The following SNTG1 variants were observed in gnomAD, a reference collection of about 807,000 sequenced individuals.
SNTG1 encodes the protein gamma-1-syntrophin.
A neutral mutation model predicts 74.7 loss-of-function variants in SNTG1; 39 were observed. That is an observed-to-expected ratio of 0.52 (90% CI 0.40 to 0.68). SNTG1 has a LOEUF of 0.68. SNTG1 is among the 30% of genes least tolerant of loss of function. SNTG1 has a pLI of 0.00. For missense variants in SNTG1, 685 were observed against 609.5 expected (o/e 1.12, Z -1.30); for synonymous variants, 254 against 217.1 (o/e 1.17, Z -1.49).
In SNTG1 at chr8:50,431,953, A is replaced by C. The variant is rs755542690; in HGVS notation, c.163-6590A>C. Among the ~76,000 whole-genome samples the C allele has an allele frequency of 6.6e-5, 10 of 152,286 alleles. No individual in the cohort carries two copies. In the East Asian group the frequency reaches 1.4e-3, roughly 21 times the overall value. The stretch of plus-strand genomic sequence containing the variant: ...CTTCTATCAGATATGTGATTTACAA[A>C]TATTTTCCTCTAGTCCATAGCTTGT... On this transcript the variant is annotated intron_variant, in intron 4 of 18. Transcript: ENST00000642720.
At chr8:50,317,354 A>C (rs1207416711) in intron 2 of SNTG1, among the ~76,000 whole-genome samples, 1 of 152,178 alleles carries the variant, frequency 6.6e-6, no homozygotes, top group Non-Finnish European at 1.5e-5. Flanking sequence ...TTTCACTCCC[A>C]AAAGTTTCTT....
At position 50,250,975 on chromosome 8, in the gene SNTG1, G is replaced by A. The variant is rs2086621373; in HGVS notation, c.-28+78340G>A. ...TGCTATGAAATTCTTCAATATTACA[G>A]TATGTAGGTTTAAAGTCAAAAAGGT... is the stretch of plus-strand genomic sequence containing the variant. On this transcript the variant is annotated intron_variant, in intron 2 of 18. Transcript: ENST00000642720. Among the ~76,000 whole-genome samples the A allele has an allele frequency of 2.3e-5, 3 of 132,206 alleles. No individual in the cohort carries two copies. The South Asian group carries it at 8.6e-4, about 38-fold the overall frequency. 86.7% of individuals were successfully genotyped at this position (132,206 alleles called of 152,430 possible).
At chr8:49,999,323 A>T (rs1354897114) in intron 1 of SNTG1, among the ~76,000 whole-genome samples, 1 of 152,044 alleles carries the variant, frequency 6.6e-6, no homozygotes, top group East Asian at 1.9e-4. Context: ...GTAGCAGCTC[A>T]TTGTCTCACT....
intron 18 of SNTG1, among the ~76,000 whole-genome samples, chr8:50,784,997 A>T (rs2095670593): frequency 6.6e-6 from 1 of 152,138 alleles, no homozygotes; most frequent in Non-Finnish European, 1.5e-5. Flanking sequence ...AATTATTGGG[A>T]GATAAATAAC....
At chr8:50,546,048 A>G (rs1224845859) in intron 11 of SNTG1, among the ~76,000 whole-genome samples, 1 of 152,134 alleles carries the variant, frequency 6.6e-6, no homozygotes, top group Admixed American at 6.6e-5. Context: ...AGCAGAAAAA[A>G]GTAGGTAGGA....
chr8:50,302,734 A>G (rs542159135), intron 2 of SNTG1, among the ~76,000 whole-genome samples: 12 of 150,924 alleles, frequency 8.0e-5, no homozygotes, highest in East Asian at 1.9e-4. Context: ...GCCTTTCAGC[A>G]TGTTATAACA....
chr8:49,952,385 C>T (rs1217668807), intron 1 of SNTG1, among the ~76,000 whole-genome samples: 5 of 151,958 alleles, frequency 3.3e-5, no homozygotes, highest in African/African-American at 1.2e-4. Flanking sequence ...GAGGCATAAA[C>T]CATGGTGAGA....
intron 1 of SNTG1, among the ~76,000 whole-genome samples, chr8:49,958,794 C>T (rs1349286135): frequency 6.6e-6 from 1 of 152,168 alleles, no homozygotes; most frequent in Non-Finnish European, 1.5e-5. Flanking sequence ...AACAGTATAG[C>T]ACATAATTAC....
intron 1 of SNTG1, among the ~76,000 whole-genome samples, chr8:49,965,314 G>C (rs1412194248): frequency 6.6e-6 from 1 of 152,138 alleles, no homozygotes; most frequent in African/African-American, 2.4e-5. Flanking sequence ...GATGTTAATG[G>C]AATGTAATAC....
intron 1 of SNTG1, among the ~76,000 whole-genome samples, chr8:50,096,349 G>A (rs1032932641): frequency 1.3e-5 from 2 of 152,176 alleles, no homozygotes; most frequent in African/African-American, 2.4e-5. Context: ...TGGCTAAGGT[G>A]TAACTCTGGA....
At chr8:50,329,616 A>G (rs558041222) in intron 2 of SNTG1, among the ~76,000 whole-genome samples, 1 of 152,142 alleles carries the variant, frequency 6.6e-6, no homozygotes, top group South Asian at 2.1e-4. Context: ...TCCCAAGGCT[A>G]CACACAGCAG....
intron 12 of SNTG1, among the ~76,000 whole-genome samples, chr8:50,562,537 C>T (rs2094494509): frequency 2.6e-5 from 4 of 152,170 alleles, no homozygotes; most frequent in Admixed American, 2.6e-4. Flanking sequence ...CTGCCAACAC[C>T]TCAATTTCTC....
At chr8:50,493,097 A>G (rs2093872977) in intron 8 of SNTG1, among the ~76,000 whole-genome samples, 1 of 152,204 alleles carries the variant, frequency 6.6e-6, no homozygotes, top group Admixed American at 6.5e-5. Flanking sequence ...GGTGTTGGGA[A>G]AATTGGCTAG....
chr8:49,931,664 C>T (rs1807604443), intron 1 of SNTG1, among the ~76,000 whole-genome samples: 1 of 152,024 alleles, frequency 6.6e-6, no homozygotes, highest in Admixed American at 6.5e-5. Context: ...CAAACAAAAT[C>T]AATATCGGTA....
At chr8:50,481,869 T>C (rs2093743648) in intron 8 of SNTG1, among the ~76,000 whole-genome samples, 1 of 152,232 alleles carries the variant, frequency 6.6e-6, no homozygotes, top group African/African-American at 2.4e-5. Flanking sequence ...GTAATGTTTT[T>C]TGTTACTAAT....
intron 12 of SNTG1, among the ~76,000 whole-genome samples, chr8:50,572,036 T>TA: frequency 6.6e-6 from 1 of 152,198 alleles, no homozygotes; most frequent in Non-Finnish European, 1.5e-5. Context: ...GCTAATAATA[T>TA]ACCAATGGTA....
At chr8:50,473,246 C>A (rs2093667571) in intron 8 of SNTG1, among the ~76,000 whole-genome samples, 2 of 152,130 alleles carry the variant, frequency 1.3e-5, no homozygotes, top group South Asian at 2.1e-4. Context: ...TCATTTGGCA[C>A]TTCTCCTTCC....
intron 4 of SNTG1, among the ~76,000 whole-genome samples, chr8:50,415,892 G>T (rs1458360416): frequency 6.6e-6 from 1 of 152,106 alleles, no homozygotes; most frequent in Admixed American, 6.6e-5. Context: ...TAAATGGATT[G>T]CTGTTAATGT....
chr8:50,761,739 A>G (rs977003777), intron 18 of SNTG1, among the ~76,000 whole-genome samples: 7 of 151,918 alleles, frequency 4.6e-5, no homozygotes, highest in African/African-American at 1.7e-4. Context: ...TCACAAATAC[A>G]CAGCAGTTCT....
Sources: gnomAD v4.1 joint callset for allele counts (sites outside exome capture counted in the v4.1 genomes callset) on GRCh38, gnomAD v4.1.1 for gene constraint, MANE v1.5 for transcripts, NCBI Gene and HGNC (gene_info 2026-07-23, HGNC 2026-07-21) for gene names.